The following POLQ variants were observed in gnomAD, a reference collection of about 807,000 sequenced individuals.
The protein encoded by POLQ is epididymis secretory sperm binding protein.
Under a neutral mutation model 259.2 loss-of-function variants are expected in POLQ, and 233 were observed. The ratio of observed to expected loss-of-function variants is 0.90; its 90% CI spans 0.81 to 1.00. The LOEUF is 1.00. Among genes scored for constraint, POLQ ranks in the 50% least tolerant of loss-of-function variants. The pLI is 0.00. For synonymous variants in POLQ, 1,025 were observed against 1,048.8 expected, an observed-to-expected ratio of 0.98 and a Z score of 0.44; for missense variants, 2,871 against 3,051.6, an observed-to-expected ratio of 0.94 and a Z score of 1.39.
At chr3:121,436,328 ACTTTC>A in intron 27 of POLQ, 53 bp from the exon 28 acceptor site, 2 of 1,583,492 alleles carry the variant, frequency 1.3e-6, no homozygotes. Flanking sequence ...ATGGTTTCAT[ACTTTC>A]CTTTAGTGTC....
At chr3:121,479,386 G>A (rs1230971591) in intron 19 of POLQ, among the ~76,000 whole-genome samples, 2 of 150,808 alleles carry the variant, frequency 1.3e-5, no homozygotes, top group African/African-American at 2.4e-5. Context: ...GTGTGTGTGT[G>A]TATACACATC....
At chr3:121,448,695 G>A (rs1016626458) in intron 26 of POLQ, among the ~76,000 whole-genome samples, 5 of 152,092 alleles carry the variant, frequency 3.3e-5, no homozygotes, top group Admixed American at 2.0e-4. Flanking sequence ...CCAATACAAG[G>A]GGGATAAGGG....
intron 28 of POLQ, among the ~76,000 whole-genome samples, chr3:121,434,256 A>G (rs977316129): frequency 1.3e-5 from 2 of 152,160 alleles, no homozygotes; most frequent in African/African-American, 4.8e-5. Context: ...GTGCTACTTT[A>G]AGCTGGCATG....
chr3:121,516,171 G>A (rs1352626455), intron 9 of POLQ, among the ~76,000 whole-genome samples: 1 of 151,952 alleles, frequency 6.6e-6, no homozygotes, highest in Non-Finnish European at 1.5e-5. Context: ...GTATTTGGGG[G>A]TGATATGTTA....
At chr3:121,480,633 T>C (rs1576411518) in intron 19 of POLQ, among the ~76,000 whole-genome samples, 1 of 152,242 alleles carries the variant, frequency 6.6e-6, no homozygotes, top group Middle Eastern at 3.4e-3. Flanking sequence ...CCACACATTT[T>C]TGAAAGTGCA....
intron 7 of POLQ, among the ~76,000 whole-genome samples, chr3:121,525,663 C>T (rs1254295299): frequency 1.3e-5 from 2 of 152,036 alleles, no homozygotes; most frequent in Non-Finnish European, 2.9e-5. Flanking sequence ...TAGAAGGGTC[C>T]GTGCCATAAA....
intron 27 of POLQ, among the ~76,000 whole-genome samples, chr3:121,437,289 G>T (rs372705481): frequency 2.6e-5 from 4 of 152,152 alleles, no homozygotes; most frequent in African/African-American, 9.6e-5. Context: ...ATGTAGGAGA[G>T]AATATTTTCT....
intron 15 of POLQ, among the ~76,000 whole-genome samples, chr3:121,491,346 C>CAAAAAAAAAAAAA (rs3045625): frequency 2.8e-4 from 22 of 77,974 alleles, no homozygotes; most frequent in African/African-American, 4.0e-4. Context: ...GAGACTGTCA[C>CAAAAAAAAAAAAA]AAAAAAAAAA....
At position 121,487,368 on chromosome 3, in the gene POLQ, C is replaced by T; in HGVS notation, c.5563G>A (p.Ala1855Thr). ...GTCAAACTTCTAATCTTTTCACAAGCCAGTGAGATGGAAAATCGCTTTTTG... is the reference window on the plus strand; with the variant it reads ...GTCAAACTTCTAATCTTTTCACAAGTCAGTGAGATGGAAAATCGCTTTTTG... ...RCKKRFSISLACEKIRSLTSS... is the reference protein window; with the variant it reads ...RCKKRFSISLTCEKIRSLTSS... The change falls in exon 16 of 30, where the codon GCT (alanine) becomes ACT (threonine). Residue 1855 changes from alanine (A) to threonine (T), a missense_variant. Ala to Thr is a moderately conservative substitution (Grantham distance 58). Around this residue, in one of 3 missense-constraint regions of POLQ, gnomAD observed 2,080 missense variants for 2,126.0 expected, o/e 0.98. Coordinates refer to ENST00000264233, the MANE Select transcript of POLQ (RefSeq NM_199420.4). The T allele has an allele frequency of 6.2e-7, 1 of 1,613,894 alleles. No homozygotes were observed. The highest frequency in any genetic ancestry group is 8.5e-7 in the Non-Finnish European group (1 of 1,179,896).
chr3:121,470,396 C>T (rs1047548575), intron 22 of POLQ, among the ~76,000 whole-genome samples: 2 of 152,042 alleles, frequency 1.3e-5, no homozygotes, highest in South Asian at 2.1e-4. Context: ...GACAAGATAT[C>T]ACTAGGATGG....
chr3:121,514,546 T>G (rs1003118314), intron 9 of POLQ, among the ~76,000 whole-genome samples: 1 of 152,044 alleles, frequency 6.6e-6, no homozygotes, highest in Non-Finnish European at 1.5e-5. Flanking sequence ...TCATGGCTTC[T>G]ACAGTGGGAA....
chr3:121,533,036 G>A lies in POLQ; in HGVS notation c.914C>T (p.Ser305Phe), dbSNP rs1384566219. 3.1e-6 allele frequency: 5 copies of A among 1,613,458 alleles called. No individual in the cohort carries two copies. The highest frequency in any genetic ancestry group is 3.3e-5 in the Admixed American group (2 of 59,928). ...SVKVGNSIYD[S>F]SMKLVREFEP... is the part of the protein sequence containing the mutation. ...AAATTCCCTCACAAGTTTCATTGAA[G>A]AGTCATATATGGAATTTCCAACTTT... Residue 305 changes from serine (S) to phenylalanine (F), a missense_variant, in exon 6 of 30, where the codon TCT becomes TTT. Transcript: ENST00000264233.
At chr3:121,478,020 G>A (rs2047940758) in intron 19 of POLQ, among the ~76,000 whole-genome samples, 1 of 152,172 alleles carries the variant, frequency 6.6e-6, no homozygotes, top group South Asian at 2.1e-4. Context: ...AATCAGAGAA[G>A]CACAAAGTAA....
chr3:121,459,384 T>TTTG (rs1311558217), intron 25 of POLQ, among the ~76,000 whole-genome samples: 4 of 142,964 alleles, frequency 2.8e-5, no homozygotes, highest in Non-Finnish European at 6.1e-5. Context: ...TTTTTTTTTT[T>TTTG]TTTTTTTTGT....
At chr3:121,449,073 A>G (rs1199027706) in intron 26 of POLQ, among the ~76,000 whole-genome samples, 1 of 152,204 alleles carries the variant, frequency 6.6e-6, no homozygotes, top group Non-Finnish European at 1.5e-5. Context: ...GGTTGTTCAC[A>G]GTGACACAGT....
intron 16 of POLQ, 57 bp from the exon 17 acceptor site, chr3:121,485,241 A>T: frequency 2.5e-6 from 3 of 1,195,494 alleles, no homozygotes; most frequent in Non-Finnish European, 3.5e-6. Context: ...ACATTACATA[A>T]ATTGTTAAAA....
Position 121,496,798 on chromosome 3 carries a change from T to C in POLQ, c.2278+10A>G. On this transcript the variant is annotated intron_variant, in intron 14 of 29. Transcript: ENST00000264233. ...TATTAAATAAATGTGAAACCCTTTG[T>C]TTAACTGACCTGCATAAACAGCAGC... is the stretch of plus-strand genomic sequence containing the variant. 6.3e-7 allele frequency: 1 copy of C among 1,599,976 alleles called. No homozygotes were observed. Among genetic ancestry groups the C allele is most frequent in the Non-Finnish European group, 8.5e-7 (1 of 1,177,018 alleles).
At chr3:121,453,524 C>T (rs548819581) in intron 25 of POLQ, among the ~76,000 whole-genome samples, 7 of 152,146 alleles carry the variant, frequency 4.6e-5, no homozygotes, top group African/African-American at 1.7e-4. Flanking sequence ...ACTAGAATAA[C>T]CAATACAGAG....
Position 121,460,077 on chromosome 3 carries a change from C to G in POLQ, c.7125G>C (p.Gly2375=), listed in dbSNP as rs1324803693. 1.9e-6 allele frequency: 3 copies of G among 1,613,928 alleles called. No individual in the cohort carries two copies. The highest frequency in any genetic ancestry group is 2.7e-5 in the African/African-American group (2 of 74,988). The change falls in exon 25 of 30, where the codon GGG becomes GGC. Residue 2375 remains glycine (G), a synonymous_variant. Transcript: ENST00000264233. ...EWKMIEPESV[G]DDLRQQAKQI... is the part of the protein sequence containing the mutation. ...GTTTTGCCTGCTGCCTCAGATCATC[C>G]CCAACAGACTCTGGCTCAATCATCT...
Sources: gnomAD v4.1 joint callset for allele counts (sites outside exome capture counted in the v4.1 genomes callset) on GRCh38, gnomAD v4.1.1 for gene constraint, gnomAD v4.1.1 regional missense constraint, MANE v1.5 for transcripts, NCBI Gene and HGNC (gene_info 2026-07-23, HGNC 2026-07-21) for gene names.